The following ZNF469 variants were observed in gnomAD, a reference collection of about 807,000 sequenced individuals.
ZNF469 encodes zinc finger protein 469.
ZNF469 carries 1 observed loss-of-function variant against 1.0 expected under a neutral mutation model. That is an observed-to-expected ratio of 1.00 (90% confidence interval 0.35 to 4.73). The LOEUF (loss-of-function observed/expected upper bound fraction) is 4.73. Among genes scored for constraint, ZNF469 ranks in the 30% most tolerant of loss-of-function variants. The pLI is 0.16. For synonymous variants in ZNF469, 2,703 were observed against 2,363.4 expected (o/e 1.14, Z -4.17); for missense variants, 6,100 against 5,356.3 (o/e 1.14, Z -4.33).
chr16:88,297,048 C>T, the ZNF469 span, among the ~76,000 whole-genome samples: 1 of 152,264 alleles, frequency 6.6e-6, no homozygotes, highest in Non-Finnish European at 1.5e-5. Flanking sequence ...AAAGCCATTG[C>T]TCCAGGAGAG....
the ZNF469 span, among the ~76,000 whole-genome samples, chr16:88,367,821 C>A: frequency 6.6e-6 from 1 of 152,164 alleles, no homozygotes; most frequent in Non-Finnish European, 1.5e-5. Context: ...ACGAAGAGAC[C>A]AGCTTTCCAA....
chr16:88,230,111 C>G, the ZNF469 span, among the ~76,000 whole-genome samples: 1 of 152,234 alleles, frequency 6.6e-6, no homozygotes, highest in Non-Finnish European at 1.5e-5. Flanking sequence ...CAGGAAGGCT[C>G]AGACTGTTTC....
chr16:88,422,309 G>A (rs1312193081), intron 1 of ZNF469, among the ~76,000 whole-genome samples: 4 of 150,544 alleles, frequency 2.7e-5, no homozygotes, highest in Non-Finnish European at 5.9e-5. Flanking sequence ...TGAGTGGGTG[G>A]ATAGATGGGT....
chr16:88,346,544 G>T, the ZNF469 span, among the ~76,000 whole-genome samples: 5,475 of 152,244 alleles, frequency 0.036, 326 homozygotes, highest in African/African-American at 0.13. Flanking sequence ...TTAGAGACAG[G>T]GTCTCGCGCT....
chr16:88,328,698 G>C, the ZNF469 span, among the ~76,000 whole-genome samples: 4 of 152,318 alleles, frequency 2.6e-5, no homozygotes, highest in African/African-American at 7.2e-5. Context: ...TTCCAGCCGG[G>C]GGGCTGGGAT....
chr16:88,226,104 C>T, the ZNF469 span, among the ~76,000 whole-genome samples: 5 of 152,282 alleles, frequency 3.3e-5, no homozygotes, highest in South Asian at 4.1e-4. Flanking sequence ...CTCATGAAAC[C>T]GAGCCAGAGA....
the ZNF469 span, among the ~76,000 whole-genome samples, chr16:88,142,014 C>G: frequency 1.5e-3 from 221 of 152,342 alleles, 1 homozygote; most frequent in Non-Finnish European, 2.3e-3. Flanking sequence ...GCTACGCAGA[C>G]AGGCTCATGT....
chr16:88,352,163 C>T, the ZNF469 span, among the ~76,000 whole-genome samples: 1 of 152,154 alleles, frequency 6.6e-6, no homozygotes, highest in Non-Finnish European at 1.5e-5. Context: ...AGGTTTCCTT[C>T]TAGGGTTAGG....
At chr16:88,239,719 T>A in the ZNF469 span, among the ~76,000 whole-genome samples, 52 of 3,412 alleles carry the variant, frequency 0.015, no homozygotes, top group Admixed American at 0.022. Context: ...ATATATATTT[T>A]TTTTTTTTTT....
At chr16:88,230,844 C>CAG in the ZNF469 span, among the ~76,000 whole-genome samples, 2 of 152,328 alleles carry the variant, frequency 1.3e-5, no homozygotes, top group South Asian at 4.1e-4. Flanking sequence ...CCCGTGGCCT[C>CAG]TCCTGTGGAC....
chr16:88,273,993 C>T, the ZNF469 span, among the ~76,000 whole-genome samples: 28 of 151,908 alleles, frequency 1.8e-4, no homozygotes, highest in African/African-American at 6.3e-4. Flanking sequence ...TTAGTAGAGA[C>T]GGGGTTTCAC....
the ZNF469 span, among the ~76,000 whole-genome samples, chr16:88,316,504 G>A: frequency 6.7e-6 from 1 of 149,394 alleles, no homozygotes; most frequent in Non-Finnish European, 1.5e-5. Flanking sequence ...CTCAGCCAGT[G>A]TGCGTCAGCT....
the ZNF469 span, among the ~76,000 whole-genome samples, chr16:88,316,100 C>G: frequency 6.6e-6 from 1 of 152,220 alleles, no homozygotes; most frequent in Non-Finnish European, 1.5e-5. Context: ...AGAGCAGGGC[C>G]GGCCGCCCCT....
At chr16:88,114,759 G>T in the ZNF469 span, among the ~76,000 whole-genome samples, 1 of 152,322 alleles carries the variant, frequency 6.6e-6, no homozygotes, top group South Asian at 2.1e-4. Context: ...CCACAGAGGG[G>T]CAGGGAGCTC....
rs753481187 is a variant in ZNF469, at chr16:88,430,141, G to T, written c.2671G>T (p.Val891Leu). The change falls in exon 3 of 3, where the codon GTG becomes TTG. Residue 891 changes from valine (V) to leucine (L), a missense_variant. Val to Leu is a conservative substitution (Grantham distance 32). Transcript: ENST00000565624. Reference protein sequence around the residue: ...SGHPLKSKAGVTPESKAPPPL... With the variant: ...SGHPLKSKAGLTPESKAPPPL... ...ACACCCCCTTAAGAGCAAGGCGGGG[G>T]TGACTCCAGAGAGCAAAGCTCCGCC... The T allele has an allele frequency of 2.6e-5, 40 of 1,549,998 alleles. No homozygotes were observed. The East Asian group carries it at 9.3e-4, about 36-fold the overall frequency.
At chr16:88,381,897 C>T (rs2092526209), upstream of ZNF469, among the ~76,000 whole-genome samples, 2 of 152,264 alleles carry the variant, frequency 1.3e-5, no homozygotes, top group Non-Finnish European at 2.9e-5. Context: ...TTGGCTCCAC[C>T]AGAAGGCCCG....
rs1330049497 is a variant in ZNF469 at position 88,439,722 on chromosome 16, G to A, written c.*390G>A. 3.4e-6 allele frequency: 1 copy of A among 290,966 alleles called. No individual in the cohort carries two copies. The highest frequency in any genetic ancestry group is 2.2e-5 in the African/African-American group (1 of 45,644). 18.0% of individuals were successfully genotyped at this position (290,966 alleles called of 1,614,324 possible). On this transcript the variant is annotated 3_prime_UTR_variant, in exon 3 of 3. Coordinates refer to ENST00000565624, the MANE Select transcript of ZNF469 (RefSeq NM_001367624.2). ...CCGTTCCCCCACATGGAGAAGGGAA[G>A]TAAGTTGAGGCAGCCGTGGGATGGT...
At chr16:88,406,417 G>A (rs1905030908) in intron 1 of ZNF469, among the ~76,000 whole-genome samples, 1 of 152,252 alleles carries the variant, frequency 6.6e-6, no homozygotes, top group Admixed American at 6.5e-5. Context: ...AGCCCCCGCT[G>A]CCCGCTGTGG....
chr16:88,369,173 T>C, the ZNF469 span, among the ~76,000 whole-genome samples: 50 of 151,902 alleles, frequency 3.3e-4, no homozygotes, highest in Middle Eastern at 6.9e-3. Context: ...ATGGTGGCCC[T>C]GCAGGCTTTC....
Sources: gnomAD v4.1 joint callset for allele counts (sites outside exome capture counted in the v4.1 genomes callset) on GRCh38, gnomAD v4.1.1 for gene constraint, MANE v1.5 for transcripts, NCBI Gene and HGNC (gene_info 2026-07-23, HGNC 2026-07-21) for gene names.